Variants in MAST2 observed in about 807,000 individuals in gnomAD.
MAST2 encodes the protein microtubule-associated serine/threonine-protein kinase 2.
Under a neutral mutation model 147.4 loss-of-function variants are expected in MAST2, and 70 were observed. The observed-to-expected ratio is 0.47, with a 90% CI of 0.39 to 0.58. The LOEUF is 0.58. MAST2 is among the 20% of genes least tolerant of loss of function. MAST2 has a pLI of 0.00. For missense variants in MAST2, 2,080 were observed against 2,302.3 expected, an observed-to-expected ratio of 0.90 and a Z score of 1.98; for synonymous variants, 869 against 896.8, an observed-to-expected ratio of 0.97 and a Z score of 0.55.
intron 4 of MAST2, among the ~76,000 whole-genome samples, chr1:45,945,176 A>G (rs1657851798): frequency 6.6e-6 from 1 of 152,050 alleles, no homozygotes; most frequent in South Asian, 2.1e-4. Context: ...GGTGGTGTGC[A>G]CTTATTCCCA....
intron 4 of MAST2, chr1:45,917,575 C>T: frequency 7.4e-7 from 1 of 1,345,988 alleles, no homozygotes; most frequent in African/African-American, 1.5e-5. Context: ...ACAATTGCTT[C>T]TGGCCAAATG....
chr1:45,895,272 T>C (rs1165520280), intron 4 of MAST2, among the ~76,000 whole-genome samples: 1 of 152,252 alleles, frequency 6.6e-6, no homozygotes, highest in Non-Finnish European at 1.5e-5. Context: ...TTGGATATTA[T>C]GAATAAAGCT....
chr1:45,804,065 A>G lies in MAST2; in HGVS notation c.170A>G (p.Lys57Arg), dbSNP rs1644065696. The stretch of plus-strand genomic sequence containing the variant: ...ACGGGCCCCGCGGGGCCCGAGGGCA[A>G]GGAGCAGGTAGGGCGGGTTGGGATC... ...ERTGPAGPEGKEQDVVTGVSP... is the reference protein window; with the variant it reads ...ERTGPAGPEGREQDVVTGVSP... The change falls in exon 1 of 29, where the codon AAG becomes AGG. Residue 57 changes from lysine to arginine, a missense_variant. Lys to Arg is a conservative substitution (Grantham distance 26, BLOSUM62 2). This residue lies in a region of MAST2 where 569 missense variants were observed against 642.5 expected (regional missense o/e 0.89). Coordinates refer to ENST00000361297, the MANE Select transcript of MAST2 (RefSeq NM_015112.3). The G allele has an allele frequency of 1.6e-5, 20 of 1,226,190 alleles. No homozygotes were observed. The highest frequency in any genetic ancestry group is 2.0e-5 in the Non-Finnish European group (19 of 973,256). The allele number at this position is 1,226,190 out of a possible 1,614,324, so 76.0% of individuals were successfully genotyped here.
rs1035097182 is a variant in MAST2 at position 45,924,028 on chromosome 1, C to T, written c.501-35358C>T. On this transcript the variant is annotated intron_variant, in intron 4 of 28. Coordinates refer to ENST00000361297, the MANE Select transcript of MAST2 (RefSeq NM_015112.3). ...CTGGGATTACAGACACCCGCCACCA[C>T]ACCTGGCTAATTTTTGTATTTTTAG... Among the ~76,000 whole-genome samples the T allele has an allele frequency of 3.3e-5, 5 of 152,130 alleles. No individual in the cohort carries two copies. The East Asian group carries it at 5.8e-4, about 18-fold the overall frequency.
At chr1:45,989,306 TACG>T in intron 5 of MAST2, among the ~76,000 whole-genome samples, 1 of 152,308 alleles carries the variant, frequency 6.6e-6, no homozygotes, top group East Asian at 1.9e-4. Context: ...AGTTCCAGTG[TACG>T]TGTATAGCAG....
At position 46,031,146 on chromosome 1, in the gene MAST2, C is replaced by G; in HGVS notation, c.2848C>G (p.Leu950Val). The change falls in exon 23 of 29, where the codon CTC (leucine) becomes GTC (valine). Residue 950 changes from leucine (L) to valine (V), a missense_variant. Coordinates refer to ENST00000361297, the MANE Select transcript of MAST2 (RefSeq NM_015112.3). This position sits in a 1 kb window ranked among gnomAD's most constrained non-coding sequence, Gnocchi z 4.1. ...GGGCCCTGAGGAGGCCAGCAGCACCCTCAGGAGGCAACCACAGGAGGGTAT... is the reference window on the plus strand; with the variant it reads ...GGGCCCTGAGGAGGCCAGCAGCACCGTCAGGAGGCAACCACAGGAGGGTAT... The part of the protein sequence containing the change: ...PEGPEEASST[L>V]RRQPQEGIWV... 1 of 1,608,096 alleles carries G rather than the reference C, an allele frequency of 6.2e-7. No individual in the cohort carries two copies. Among genetic ancestry groups the G allele is most frequent in the East Asian group, 2.2e-5 (1 of 44,698 alleles).
At chr1:45,841,859 A>C (rs757396413) in intron 3 of MAST2, among the ~76,000 whole-genome samples, 4 of 152,168 alleles carry the variant, frequency 2.6e-5, no homozygotes, top group Non-Finnish European at 5.9e-5. Context: ...GGTCATGGTA[A>C]ATTATTACAT....
At chr1:45,939,713 T>C (rs887637779) in intron 4 of MAST2, among the ~76,000 whole-genome samples, 5 of 152,114 alleles carry the variant, frequency 3.3e-5, no homozygotes, top group African/African-American at 4.8e-5. Flanking sequence ...CTAATTTTTT[T>C]GTATTTTTCC....
chr1:45,967,713 G>T (rs140932061), intron 5 of MAST2, among the ~76,000 whole-genome samples: 1 of 152,202 alleles, frequency 6.6e-6, no homozygotes, highest in East Asian at 1.9e-4. Context: ...AGGAGTGGCA[G>T]GCATACAACT....
At chr1:45,906,611 ATATAAT>A (rs1650775494) in intron 4 of MAST2, among the ~76,000 whole-genome samples, 1 of 148,228 alleles carries the variant, frequency 6.7e-6, no homozygotes, top group South Asian at 2.1e-4. Flanking sequence ...TATTGTTATT[ATATAAT>A]TATATTATAT....
intron 5 of MAST2, among the ~76,000 whole-genome samples, chr1:45,981,830 A>G (rs1433509329): frequency 6.7e-6 from 1 of 148,688 alleles, no homozygotes; most frequent in African/African-American, 2.5e-5. Flanking sequence ...AAACTTTAAA[A>G]TGGTGGTAAT....
At chr1:45,917,258 C>G in intron 4 of MAST2, 1 of 1,017,238 alleles carries the variant, frequency 9.8e-7, no homozygotes, top group Non-Finnish European at 1.3e-6. Flanking sequence ...TTTGCCTAAA[C>G]CAAGCCACTT....
chr1:45,812,145 G>A (rs1443157021), intron 1 of MAST2, among the ~76,000 whole-genome samples: 1 of 152,204 alleles, frequency 6.6e-6, no homozygotes, highest in Non-Finnish European at 1.5e-5. Flanking sequence ...TGCAGGACAT[G>A]CTGTTTGAGA....
chr1:46,002,930 AC>A, intron 7 of MAST2, 47 bp downstream of exon 7: 4 of 1,572,242 alleles, frequency 2.5e-6, no homozygotes, highest in Non-Finnish European at 3.5e-6. Flanking sequence ...CTAAGGAAGT[AC>A]TTCCCTTTGG....
chr1:46,018,373 A>C lies in MAST2; in HGVS notation c.1189-1223A>C, dbSNP rs535936503. ...ACCCAGCTGCCTGCTGGACTCCTCC[A>C]CTTTGACTTCCCTATATTGGTTCTT... is the stretch of plus-strand genomic sequence containing the variant. On this transcript the variant is annotated intron_variant, in intron 10 of 28. Transcript: ENST00000361297. 3.3e-5 allele frequency among the ~76,000 whole-genome samples: 5 copies of C among 152,078 alleles called. No homozygotes were observed. In the East Asian group the frequency reaches 9.7e-4, roughly 29 times the overall value.
chr1:45,870,834 T>C (rs1283121184), intron 3 of MAST2, among the ~76,000 whole-genome samples: 3 of 151,594 alleles, frequency 2.0e-5, no homozygotes, highest in African/African-American at 4.8e-5. Flanking sequence ...GAAGCTAAAG[T>C]GGGAGGATCG....
At chr1:45,881,993 G>A (rs1357112273) in intron 3 of MAST2, among the ~76,000 whole-genome samples, 1 of 128,892 alleles carries the variant, frequency 7.8e-6, no homozygotes, top group Non-Finnish European at 1.6e-5. Context: ...TGGCTAACAC[G>A]GTGAAACCCC....
In MAST2 at chr1:46,031,219, C is replaced by G; in HGVS notation, c.2921C>G (p.Thr974Ser). Residue 974 changes from threonine to serine, a missense_variant, in exon 23 of 29, where the codon ACT becomes AGT. Around this residue, in one of 4 missense-constraint regions of MAST2, gnomAD observed 1,278 missense variants for 1,304.2 expected, o/e 0.98. Coordinates refer to ENST00000361297, the MANE Select transcript of MAST2 (RefSeq NM_015112.3). This position sits in a 1 kb window ranked among gnomAD's most constrained non-coding sequence, Gnocchi z 4.1. The part of the protein sequence containing the change: ...PSGEGVSGPV[T>S]EHSGEQRPKL... ...GGAGAGGGGGTATCTGGGCCTGTCA[C>G]TGAACACTCAGGGGAGCAGCGGCCA... 1 of 1,553,146 alleles carries G rather than the reference C, an allele frequency of 6.4e-7. No individual in the cohort carries two copies. The highest frequency in any genetic ancestry group is 8.7e-7 in the Non-Finnish European group (1 of 1,146,830).
intron 1 of MAST2, among the ~76,000 whole-genome samples, chr1:45,814,179 A>C (rs1644384158): frequency 6.6e-6 from 1 of 152,180 alleles, no homozygotes; most frequent in African/African-American, 2.4e-5. Flanking sequence ...ACCATACTAT[A>C]CTTTCTACTG....
Sources: gnomAD v4.1 joint callset for allele counts (sites outside exome capture counted in the v4.1 genomes callset) on GRCh38, gnomAD v4.1.1 for gene constraint, gnomAD v4.1.1 regional missense constraint, Gnocchi (gnomAD v3.1) non-coding constraint, MANE v1.5 for transcripts, NCBI Gene and HGNC (gene_info 2026-07-23, HGNC 2026-07-21) for gene names.